The following ATP11B variants were observed in gnomAD, a reference collection of about 807,000 sequenced individuals.
ATP11B encodes the protein ATPase phospholipid transporting 11B (putative).
In ATP11B, 81 loss-of-function variants were observed where a neutral mutation model predicts 157.8. The observed-to-expected ratio is 0.51, with a 90% CI of 0.43 to 0.62. ATP11B has a LOEUF of 0.62. ATP11B is among the 20% of genes least tolerant of loss of function. ATP11B has a pLI of 0.00. For synonymous variants in ATP11B, 451 were observed against 469.4 expected (o/e 0.96, Z 0.51); for missense variants, 1,165 against 1,402.2 (o/e 0.83, Z 2.70).
chr3:182,860,286 G>A (rs1284125385), intron 12 of ATP11B, among the ~76,000 whole-genome samples: 2 of 152,082 alleles, frequency 1.3e-5, no homozygotes, highest in Non-Finnish European at 2.9e-5. Context: ...TTATTGCATT[G>A]CAGATTGAAA....
At chr3:182,857,617 C>T (rs557815176) in intron 10 of ATP11B, among the ~76,000 whole-genome samples, 5 of 150,886 alleles carry the variant, frequency 3.3e-5, no homozygotes, top group Admixed American at 6.6e-5. Flanking sequence ...TGACTAAAAC[C>T]GTCATTTACT....
chr3:182,917,545 A>G (rs1725221024), intron 29 of ATP11B: 1 of 985,220 alleles, frequency 1.0e-6, no homozygotes, highest in South Asian at 4.7e-5. Context: ...GCTACATTCA[A>G]GCTAATTATG....
chr3:182,804,840 C>G (rs1014943302), intron 1 of ATP11B, among the ~76,000 whole-genome samples: 1 of 152,130 alleles, frequency 6.6e-6, no homozygotes, highest in Non-Finnish European at 1.5e-5. Context: ...CTAGATTTGC[C>G]TACTCTGAAC....
intron 28 of ATP11B, chr3:182,905,930 G>A (rs901916356): frequency 1.5e-5 from 7 of 454,732 alleles, no homozygotes; most frequent in East Asian, 7.0e-5. Flanking sequence ...GTAGTACTGC[G>A]CTGGACCTTC....
At position 182,887,601 on chromosome 3, in the gene ATP11B, G is replaced by C. The variant is rs985009420; in HGVS notation, c.2731G>C (p.Val911Leu). Residue 911 changes from valine to leucine, a missense_variant, in exon 24 of 30, where the codon GTG (valine) becomes CTG (leucine). This residue lies in a region of ATP11B where 737 missense variants were observed against 930.5 expected (regional missense o/e 0.79). Coordinates refer to ENST00000323116, the MANE Select transcript of ATP11B (RefSeq NM_014616.3). ...LFSQQTLYDS[V>L]YLTLYNICFT... The stretch of plus-strand genomic sequence containing the variant: ...CTCTTTCTAGACATTGTATGACAGC[G>C]TGTACCTGACTTTATACAATATTTG... 6.2e-7 allele frequency: 1 copy of C among 1,610,424 alleles called. No individual in the cohort carries two copies. The highest frequency in any genetic ancestry group is 8.5e-7 in the Non-Finnish European group (1 of 1,178,764).
chr3:182,865,465 G>A lies in ATP11B; in HGVS notation c.1210G>A (p.Val404Met), dbSNP rs200423302. 1.2e-5 allele frequency: 19 copies of A among 1,613,152 alleles called. No homozygotes were observed. In the African/African-American group the frequency reaches 1.3e-4, roughly 11 times the overall value. The change falls in exon 13 of 30, where the codon GTG (valine) becomes ATG (methionine). Residue 404 changes from valine (V) to methionine (M), a missense_variant. This residue lies in a region of ATP11B where 737 missense variants were observed against 930.5 expected (regional missense o/e 0.79). Transcript: ENST00000323116. ...LNEELGQVEY[V>M]FTDKTGTLTE... The stretch of plus-strand genomic sequence containing the variant: ...TTTTCTATCTCTATAGGTAGAGTAC[G>A]TGTTTACAGATAAAACTGGTACACT...
At chr3:182,801,318 G>T (rs2108483123) in intron 1 of ATP11B, among the ~76,000 whole-genome samples, 1 of 152,344 alleles carries the variant, frequency 6.6e-6, no homozygotes, top group Non-Finnish European at 1.5e-5. Flanking sequence ...AGGATGATAT[G>T]CATAGGTATC....
intron 19 of ATP11B, 90 bp downstream of exon 19, chr3:182,874,105 G>GT: frequency 9.3e-7 from 1 of 1,079,228 alleles, no homozygotes; most frequent in Non-Finnish European, 1.3e-6. Context: ...GTCACTGCCT[G>GT]TTTTTTACAG....
At chr3:182,820,730 A>G (rs1273754159) in intron 2 of ATP11B, among the ~76,000 whole-genome samples, 2 of 152,056 alleles carry the variant, frequency 1.3e-5, no homozygotes, top group South Asian at 2.1e-4. Flanking sequence ...AAGTGATTAT[A>G]TGTGTGTGTG....
intron 10 of ATP11B, among the ~76,000 whole-genome samples, chr3:182,850,609 A>G (rs748977258): frequency 3.3e-5 from 5 of 152,238 alleles, no homozygotes; most frequent in Non-Finnish European, 7.3e-5. Context: ...GATATGGAGA[A>G]AAGAAAACTC....
At chr3:182,910,455 T>C (rs368168900) in intron 28 of ATP11B, among the ~76,000 whole-genome samples, 1 of 151,802 alleles carries the variant, frequency 6.6e-6, no homozygotes, top group Non-Finnish European at 1.5e-5. Context: ...ACACCTGTAG[T>C]AGCTACCCAG....
chr3:182,832,286 A>C (rs1002966341), intron 4 of ATP11B, among the ~76,000 whole-genome samples: 1 of 152,184 alleles, frequency 6.6e-6, no homozygotes, highest in Non-Finnish European at 1.5e-5. Flanking sequence ...TTTAGATGAG[A>C]GCTTCATAAC....
At chr3:182,796,939 T>G (rs1340715002) in intron 1 of ATP11B, among the ~76,000 whole-genome samples, 1 of 152,214 alleles carries the variant, frequency 6.6e-6, no homozygotes, top group African/African-American at 2.4e-5. Flanking sequence ...TAGATTGTAT[T>G]GGCGATGGTG....
At chr3:182,807,464 A>G (rs1716394696) in intron 1 of ATP11B, among the ~76,000 whole-genome samples, 1 of 152,258 alleles carries the variant, frequency 6.6e-6, no homozygotes. Context: ...CATGTTATAT[A>G]GTGTAAATGG....
intron 1 of ATP11B, among the ~76,000 whole-genome samples, chr3:182,806,907 T>C (rs1716360543): frequency 6.6e-6 from 1 of 152,168 alleles, no homozygotes; most frequent in East Asian, 1.9e-4. Flanking sequence ...GGGGTACTGC[T>C]GATTCTTATC....
chr3:182,864,359 C>G (rs573959526), intron 12 of ATP11B, among the ~76,000 whole-genome samples: 8 of 152,256 alleles, frequency 5.3e-5, no homozygotes, highest in South Asian at 2.1e-4. Flanking sequence ...TTCAGTCTCT[C>G]TCCATAAGGT....
intron 19 of ATP11B, among the ~76,000 whole-genome samples, chr3:182,878,465 G>A (rs975593448): frequency 1.3e-5 from 2 of 152,126 alleles, no homozygotes; most frequent in Non-Finnish European, 2.9e-5. Context: ...GTAAATCTAG[G>A]TATACTTCCT....
chr3:182,917,853 T>C (rs566065920), intron 29 of ATP11B, 170 bp from the exon 30 acceptor site: 1 of 980,616 alleles, frequency 1.0e-6, no homozygotes, highest in African/African-American at 1.7e-5. Context: ...AGTTTTTATA[T>C]AATATAAATA....
chr3:182,848,348 T>TA (rs1719701470), intron 9 of ATP11B, 128 bp from the exon 10 acceptor site: 3 of 495,500 alleles, frequency 6.1e-6, no homozygotes, highest in Middle Eastern at 4.9e-4. Flanking sequence ...TGAAAATACT[T>TA]AAAGAAAAGC....
Sources: gnomAD v4.1 joint callset for allele counts (sites outside exome capture counted in the v4.1 genomes callset) on GRCh38, gnomAD v4.1.1 for gene constraint, gnomAD v4.1.1 regional missense constraint, MANE v1.5 for transcripts, NCBI Gene and HGNC (gene_info 2026-07-23, HGNC 2026-07-21) for gene names.